Variants in GPC5 observed in about 807,000 individuals in gnomAD.
GPC5 encodes glypican-5.
Under a neutral mutation model 53.9 loss-of-function variants are expected in GPC5, and 47 were observed. The observed-to-expected ratio is 0.87, with a 90% CI of 0.69 to 1.11. GPC5 has a LOEUF of 1.11. Among genes scored for constraint, GPC5 ranks in the 50% most tolerant of loss-of-function variants. GPC5 has a pLI of 0.00. For synonymous variants in GPC5, 286 were observed against 263.3 expected (o/e 1.09, Z -0.84); for missense variants, 748 against 713.1 (o/e 1.05, Z -0.56).
At chr13:92,754,142 C>T (rs550516685) in intron 7 of GPC5, among the ~76,000 whole-genome samples, 6 of 152,106 alleles carry the variant, frequency 3.9e-5, no homozygotes, top group Non-Finnish European at 5.9e-5. Context: ...CGGCAGAAAC[C>T]CTACAAGCCA....
At chr13:91,844,210 A>G (rs1416586581) in intron 5 of GPC5, among the ~76,000 whole-genome samples, 2 of 152,248 alleles carry the variant, frequency 1.3e-5, no homozygotes, top group Admixed American at 1.3e-4. Context: ...AGTTTAAGGA[A>G]AAGGAGTGGT....
At chr13:92,782,051 A>G (rs1566416039) in intron 7 of GPC5, among the ~76,000 whole-genome samples, 1 of 147,958 alleles carries the variant, frequency 6.8e-6, no homozygotes. Flanking sequence ...AAGGAAGGGA[A>G]GGGAAGTGAA....
intron 2 of GPC5, among the ~76,000 whole-genome samples, chr13:91,518,942 T>C (rs1241637155): frequency 1.3e-5 from 2 of 152,216 alleles, no homozygotes; most frequent in African/African-American, 2.4e-5. Context: ...CATCTGACTT[T>C]AGTCTTGATA....
intron 6 of GPC5, among the ~76,000 whole-genome samples, chr13:92,102,250 T>C (rs1369031253): frequency 1.3e-5 from 2 of 152,034 alleles, no homozygotes; most frequent in Non-Finnish European, 2.9e-5. Flanking sequence ...AAAACAAAGA[T>C]CTAGAGTTTT....
At chr13:91,592,666 A>T (rs1314215387) in intron 2 of GPC5, among the ~76,000 whole-genome samples, 1 of 152,046 alleles carries the variant, frequency 6.6e-6, no homozygotes, top group Non-Finnish European at 1.5e-5. Flanking sequence ...GGGTGCTAGG[A>T]TTTTCTTGCT....
chr13:92,791,060 T>G (rs918439662), intron 7 of GPC5, among the ~76,000 whole-genome samples: 62 of 152,010 alleles, frequency 4.1e-4, no homozygotes, highest in Non-Finnish European at 2.2e-4. Context: ...ATTTGAAATA[T>G]TTATTCTGTG....
At chr13:91,769,588 G>T (rs1304811207) in intron 5 of GPC5, among the ~76,000 whole-genome samples, 2 of 152,176 alleles carry the variant, frequency 1.3e-5, no homozygotes, top group East Asian at 3.9e-4. Flanking sequence ...TGCTTCATGT[G>T]TCTAAGGAAC....
chr13:92,298,808 T>C (rs1198535671), intron 7 of GPC5, among the ~76,000 whole-genome samples: 1 of 152,196 alleles, frequency 6.6e-6, no homozygotes, highest in Admixed American at 6.5e-5. Context: ...CTGCTCTGTC[T>C]GTCCCAGTGA....
At chr13:92,848,097 C>T (rs1438189880) in intron 7 of GPC5, among the ~76,000 whole-genome samples, 1 of 152,124 alleles carries the variant, frequency 6.6e-6, no homozygotes, top group Non-Finnish European at 1.5e-5. Flanking sequence ...ACCTACTCTC[C>T]AAATGAACTT....
At chr13:92,850,535 G>C (rs964583309) in intron 7 of GPC5, among the ~76,000 whole-genome samples, 1 of 152,084 alleles carries the variant, frequency 6.6e-6, no homozygotes, top group African/African-American at 2.4e-5. Flanking sequence ...GGAGGTGGAG[G>C]CTGTAGTAAG....
intron 7 of GPC5, among the ~76,000 whole-genome samples, chr13:92,547,407 G>A (rs192394926): frequency 5.9e-5 from 9 of 152,292 alleles, no homozygotes; most frequent in African/African-American, 1.9e-4. Context: ...AGTTGATTCA[G>A]ATGACGTATT....
intron 7 of GPC5, among the ~76,000 whole-genome samples, chr13:92,780,832 A>C (rs1260118106): frequency 2.0e-5 from 3 of 152,072 alleles, no homozygotes; most frequent in Admixed American, 1.3e-4. Context: ...TTTTATCTAT[A>C]ATTATTGCTG....
intron 2 of GPC5, among the ~76,000 whole-genome samples, chr13:91,561,632 GA>G (rs1271333221): frequency 1.3e-5 from 2 of 149,618 alleles, no homozygotes; most frequent in African/African-American, 2.5e-5. Flanking sequence ...CTGGCATCAA[GA>G]AAATGTCTTT....
intron 6 of GPC5, among the ~76,000 whole-genome samples, chr13:91,999,301 T>C (rs999124502): frequency 6.6e-6 from 1 of 152,148 alleles, no homozygotes; most frequent in Non-Finnish European, 1.5e-5. Flanking sequence ...TCACATGGCC[T>C]CTAAACACAT....
chr13:92,350,653 T>C (rs144109089), intron 7 of GPC5, among the ~76,000 whole-genome samples: 47 of 152,308 alleles, frequency 3.1e-4, no homozygotes, highest in African/African-American at 1.1e-3. Flanking sequence ...TGTACTGTAA[T>C]TTGAAAATTG....
intron 5 of GPC5, among the ~76,000 whole-genome samples, chr13:91,770,897 G>C (rs117424302): frequency 0.038 from 5,827 of 152,088 alleles, 142 homozygotes; most frequent in Middle Eastern, 0.065. Context: ...GAATAAAAAA[G>C]AGAACAAAAC....
intron 6 of GPC5, among the ~76,000 whole-genome samples, chr13:91,945,582 A>G (rs1241510455): frequency 1.3e-5 from 2 of 152,178 alleles, no homozygotes; most frequent in Non-Finnish European, 2.9e-5. Context: ...CTCATATGTG[A>G]AAGTTGAATT....
At chr13:92,388,191 C>T (rs1268477188) in intron 7 of GPC5, among the ~76,000 whole-genome samples, 1 of 151,868 alleles carries the variant, frequency 6.6e-6, no homozygotes, top group Non-Finnish European at 1.5e-5. Flanking sequence ...GTTCATACTT[C>T]GTGATTTTTT....
intron 7 of GPC5, among the ~76,000 whole-genome samples, chr13:92,425,595 C>T (rs1206110846): frequency 6.6e-6 from 1 of 151,958 alleles, no homozygotes; most frequent in Non-Finnish European, 1.5e-5. Flanking sequence ...AGCCTATGTC[C>T]TTCCTTCACT....
Sources: gnomAD v4.1 joint callset for allele counts (sites outside exome capture counted in the v4.1 genomes callset) on GRCh38, gnomAD v4.1.1 for gene constraint, MANE v1.5 for transcripts, NCBI Gene and HGNC (gene_info 2026-07-23, HGNC 2026-07-21) for gene names.